DIABLO: variants seen among roughly 807,000 people sequenced by gnomAD.
DIABLO encodes the protein diablo homolog, mitochondrial.
A neutral mutation model predicts 31.7 loss-of-function variants in DIABLO; 32 were observed. The observed-to-expected ratio is 1.01, with a 90% confidence interval of 0.76 to 1.35. The LOEUF (loss-of-function observed/expected upper bound fraction) is 1.35. DIABLO is among the 40% of genes most tolerant of loss of function. The pLI is 0.00. For synonymous variants in DIABLO, 132 were observed against 103.2 expected (o/e 1.28, Z -1.69); for missense variants, 316 against 286.4 (o/e 1.10, Z -0.75).
rs1340606897 is a variant in DIABLO, at chr12:122,224,519, A to G, written c.176T>C (p.Ile59Thr). Residue 59 changes from isoleucine to threonine, a missense_variant, in exon 2 of 6, where the codon ATT (isoleucine) becomes ACT (threonine). Coordinates refer to ENST00000464942, the MANE Select transcript of DIABLO (RefSeq NM_001371333.1). ...CACTGCACACGACAGTACCTGTGCA[A>G]TAGGAACCGCACACAGGGTTACTCC... Reference protein sequence around the residue: ...GFGVTLCAVPIAQKSEPHSLS... With the variant: ...GFGVTLCAVPTAQKSEPHSLS... The G allele has an allele frequency of 6.2e-7, 1 of 1,613,840 alleles. No individual in the cohort carries two copies.
chr12:122,212,161 G>A (rs1342555266), intron 5 of DIABLO, among the ~76,000 whole-genome samples: 1 of 151,894 alleles, frequency 6.6e-6, no homozygotes, highest in Non-Finnish European at 1.5e-5. Context: ...TAATTGACGG[G>A]TTTTCTTTTT....
At chr12:122,222,901 G>A (rs1030695015) in intron 2 of DIABLO, among the ~76,000 whole-genome samples, 1 of 151,958 alleles carries the variant, frequency 6.6e-6, no homozygotes, top group African/African-American at 2.4e-5. Flanking sequence ...TTCCTAACAG[G>A]CCACAGACCA....
rs1954449755 is a variant in DIABLO at position 122,225,765 on chromosome 12, T to C, written c.50+200A>G. 3 of 1,440,012 alleles carry C rather than the reference T, an allele frequency of 2.1e-6. No individual in the cohort carries two copies. The Admixed American group carries it at 8.2e-5, about 39-fold the overall frequency. 89.2% of individuals were successfully genotyped at this position (1,440,012 alleles called of 1,614,324 possible). ...ACTCGTTTCTAGAAGATGGACGAAC[T>C]GAAAAGGAAGCCGGGCTTGACCCAG... On this transcript the variant is annotated intron_variant, in intron 1 of 5. Transcript: ENST00000464942.
chr12:122,208,059 GCA>G lies in DIABLO; in HGVS notation c.*320_*321del. 1 of 573,438 alleles carries G rather than the reference GCA, an allele frequency of 1.7e-6. No individual in the cohort carries two copies. Among genetic ancestry groups the G allele is most frequent in the Non-Finnish European group, 3.3e-6 (1 of 304,724 alleles). The allele number at this position is 573,438 out of a possible 1,614,324, so 35.5% of individuals were successfully genotyped here. ...GGTTAAACAGTTGCTGAACTTAAGG[GCA>G]TGACAAAAAGGACTCCTCTCTCTGA... is the stretch of plus-strand genomic sequence containing the variant. On this transcript the variant is annotated 3_prime_UTR_variant, in exon 6 of 6. Coordinates refer to ENST00000464942, the MANE Select transcript of DIABLO (RefSeq NM_001371333.1).
At chr12:122,217,049 C>CGGAG in intron 3 of DIABLO, 180 bp from the exon 4 acceptor site, 1 of 578,622 alleles carries the variant, frequency 1.7e-6, no homozygotes, top group East Asian at 3.1e-5. Context: ...TTAGTATCTC[C>CGGAG]ATCTGTAAAC....
chr12:122,226,002 T>A lies in DIABLO; in HGVS notation c.13A>T (p.Lys5Ter). 2 of 1,603,452 alleles carry A rather than the reference T, an allele frequency of 1.2e-6. No homozygotes were observed. Among genetic ancestry groups the A allele is most frequent in the Non-Finnish European group, 8.5e-7 (1 of 1,175,948 alleles). MAAL[K>*]SWLSRSVTSF... ...GTTACGCTGCGCGACAGCCAACTCT[T>A]CAGAGCCGCCATTGTGCAGCGCGCG... Residue 5 changes from lysine (K) to a stop codon, truncating the protein, a stop_gained, in exon 1 of 6, where the codon AAG becomes TAG. Transcript: ENST00000464942. LOFTEE classifies it high-confidence loss of function.
intron 5 of DIABLO, among the ~76,000 whole-genome samples, chr12:122,214,692 G>A (rs1593172571): frequency 1.3e-5 from 2 of 152,014 alleles, no homozygotes; most frequent in East Asian, 3.9e-4. Context: ...CACGCGTTGA[G>A]TCCCTGTGCC....
Position 122,224,733 on chromosome 12 carries a change from C to T in DIABLO, c.51-89G>A, listed in dbSNP as rs369526852. 8.7e-6 allele frequency: 14 copies of T among 1,611,782 alleles called. No homozygotes were observed. The highest frequency in any genetic ancestry group is 1.1e-5 in the Non-Finnish European group (13 of 1,179,182). Reference sequence around the variant, plus strand: ...CTTGCAGGGGCTGTAAACTCAAACTCGAGCCAAGCAGGAACCTAAATGAGG... The same window carrying T: ...CTTGCAGGGGCTGTAAACTCAAACTTGAGCCAAGCAGGAACCTAAATGAGG... On this transcript the variant is annotated intron_variant, in intron 1 of 5. Transcript: ENST00000464942.
At position 122,208,129 on chromosome 12, in the gene DIABLO, G is replaced by C. The variant is rs76189590; in HGVS notation, c.*252C>G. ...CTTTGGGTGTGAGGTAAAAAAAATG[G>C]GTAAGAGCAGCTGTACAGAGTGGGG... is the stretch of plus-strand genomic sequence containing the variant. On this transcript the variant is annotated 3_prime_UTR_variant, in exon 6 of 6. Coordinates refer to ENST00000464942, the MANE Select transcript of DIABLO (RefSeq NM_001371333.1). 1.2e-4 allele frequency: 84 copies of C among 675,608 alleles called. No homozygotes were observed. The African/African-American group carries it at 1.5e-3, about 12-fold the overall frequency. The allele number at this position is 675,608 out of a possible 1,614,324, so 41.9% of individuals were successfully genotyped here.
rs199738234 is a variant in DIABLO, at chr12:122,208,548, T to C, written c.553A>G (p.Asn185Asp). Residue 185 changes from asparagine (N) to aspartate (D), a missense_variant, in exon 6 of 6, where the codon AAT (asparagine) becomes GAT (aspartate). Physicochemically the swap from Asn to Asp is conservative, Grantham distance 23 (BLOSUM62 1). Transcript: ENST00000464942. Reference protein sequence around the residue: ...GADQASITARNHIQLVKLQVE... With the variant: ...GADQASITARDHIQLVKLQVE... ...TGCAGTTTCACCAGCTGAATGTGATTCCTGGCGGTTATAGAGGCCTGATCT... is the reference window on the plus strand; with the variant it reads ...TGCAGTTTCACCAGCTGAATGTGATCCCTGGCGGTTATAGAGGCCTGATCT... 4.3e-5 allele frequency: 69 copies of C among 1,613,626 alleles called. No homozygotes were observed. Among genetic ancestry groups the C allele is most frequent in the Non-Finnish European group, 5.3e-5 (63 of 1,180,032 alleles).
chr12:122,217,891 T>C, intron 3 of DIABLO: 1 of 253,622 alleles, frequency 3.9e-6, no homozygotes, highest in South Asian at 4.8e-5. Context: ...CCTCTGTTGA[T>C]GGACCACAGG....
intron 5 of DIABLO, among the ~76,000 whole-genome samples, chr12:122,212,319 GA>G (rs955331683): frequency 6.6e-6 from 1 of 151,560 alleles, no homozygotes; most frequent in East Asian, 1.9e-4. Context: ...CAGAACTTTT[GA>G]AAAAAAATCT....
chr12:122,225,986 C>A lies in DIABLO; in HGVS notation c.29G>T (p.Arg10Leu), dbSNP rs1228853282. 6.2e-7 allele frequency: 1 copy of A among 1,601,930 alleles called. No homozygotes were observed. The highest frequency in any genetic ancestry group is 1.3e-5 in the African/African-American group (1 of 74,820). The stretch of plus-strand genomic sequence containing the variant: ...GTACCTGAAGAATGAAGTTACGCTG[C>A]GCGACAGCCAACTCTTCAGAGCCGC... MAALKSWLSRSVTSFFRYRQ... is the reference protein window; with the variant it reads MAALKSWLSLSVTSFFRYRQ... Residue 10 changes from arginine (R) to leucine (L), a missense_variant, in exon 1 of 6, where the codon CGC (arginine) becomes CTC (leucine). Arg to Leu is a moderately radical substitution (Grantham distance 102, BLOSUM62 -2). Coordinates refer to ENST00000464942, the MANE Select transcript of DIABLO (RefSeq NM_001371333.1).
chr12:122,214,530 A>G (rs1270813875), intron 5 of DIABLO, among the ~76,000 whole-genome samples: 1 of 152,116 alleles, frequency 6.6e-6, no homozygotes, highest in Non-Finnish European at 1.5e-5. Context: ...GGTTCAAGCA[A>G]TCCTCCCACC....
chr12:122,211,846 CTT>C (rs1355943945), intron 5 of DIABLO, among the ~76,000 whole-genome samples: 4 of 152,134 alleles, frequency 2.6e-5, no homozygotes, highest in African/African-American at 9.7e-5. Flanking sequence ...TTGATAATGT[CTT>C]AATGAATTGT....
chr12:122,207,776 A>G lies in DIABLO; in HGVS notation c.*605T>C, dbSNP rs1363236584. 7 of 471,798 alleles carry G rather than the reference A, an allele frequency of 1.5e-5. No homozygotes were observed. The Admixed American group carries it at 1.6e-4, about 11-fold the overall frequency. 29.2% of individuals were successfully genotyped at this position (471,798 alleles called of 1,614,324 possible). On this transcript the variant is annotated 3_prime_UTR_variant, in exon 6 of 6. Transcript: ENST00000464942. Reference sequence around the variant, plus strand: ...AAGGAAGGAACAAGAGGCCTGTGTTAAGTCCTGTTGATGTTAAGTCCTGTT... The same window carrying G: ...AAGGAAGGAACAAGAGGCCTGTGTTGAGTCCTGTTGATGTTAAGTCCTGTT...
chr12:122,216,639 A>T (rs1469834087), intron 4 of DIABLO, 55 bp from the exon 5 acceptor site: 1 of 1,578,948 alleles, frequency 6.3e-7, no homozygotes, highest in Non-Finnish European at 8.7e-7. Flanking sequence ...GCCCATTTAA[A>T]TGGACTTAAA....
chr12:122,219,214 A>G (rs1419690397), intron 2 of DIABLO, among the ~76,000 whole-genome samples: 1 of 152,072 alleles, frequency 6.6e-6, no homozygotes, highest in Non-Finnish European at 1.5e-5. Context: ...GCCTGGTGAC[A>G]GAGCGAGACT....
In DIABLO at chr12:122,224,619, C is replaced by T; in HGVS notation, c.76G>A (p.Val26Ile). The change falls in exon 2 of 6, where the codon GTT becomes ATT. Residue 26 changes from valine to isoleucine, a missense_variant. By Grantham distance (29) the Val-to-Ile change is conservative. Transcript: ENST00000464942. Reference protein sequence around the residue: ...FRYRQCLCVPVVANFKKRCFS... With the variant: ...FRYRQCLCVPIVANFKKRCFS... The stretch of plus-strand genomic sequence containing the variant: ...CACCGCTTCTTAAAGTTAGCCACAA[C>T]AGGAACACACAAACACTGTCTGTAC... 5 of 1,614,146 alleles carry T rather than the reference C, an allele frequency of 3.1e-6. No homozygotes were observed. The highest frequency in any genetic ancestry group is 4.2e-6 in the Non-Finnish European group (5 of 1,180,030).
Sources: gnomAD v4.1 joint callset for allele counts (sites outside exome capture counted in the v4.1 genomes callset) on GRCh38, gnomAD v4.1.1 for gene constraint, MANE v1.5 for transcripts, NCBI Gene and HGNC (gene_info 2026-07-23, HGNC 2026-07-21) for gene names.